Variants in TMEM132D observed in about 807,000 individuals in gnomAD.
TMEM132D encodes the protein mature OL transmembrane protein.
In TMEM132D, 21 loss-of-function variants were observed where a neutral mutation model predicts 62.3. The ratio of observed to expected loss-of-function variants is 0.34; its 90% CI spans 0.24 to 0.49. The LOEUF is 0.49. TMEM132D is among the 20% of genes least tolerant of loss of function. The pLI, the probability that TMEM132D is intolerant of heterozygous loss-of-function variation, is 0.99. For missense variants in TMEM132D, 1,346 were observed against 1,402.8 expected (o/e 0.96, Z 0.65); for synonymous variants, 621 against 575.6 (o/e 1.08, Z -1.13).
intron 1 of TMEM132D, among the ~76,000 whole-genome samples, chr12:129,878,989 A>G (rs565367162): frequency 2.6e-5 from 4 of 152,158 alleles, no homozygotes; most frequent in South Asian, 2.1e-4. Context: ...TGTTGTAGCT[A>G]CTCTCTCAGT....
chr12:129,091,973 G>A (rs1874937499), intron 5 of TMEM132D, among the ~76,000 whole-genome samples: 1 of 152,232 alleles, frequency 6.6e-6, no homozygotes, highest in Non-Finnish European at 1.5e-5. Flanking sequence ...TGGTCTAGGT[G>A]AGCCGGCAAG....
intron 3 of TMEM132D, among the ~76,000 whole-genome samples, chr12:129,459,541 T>C (rs1460043392): frequency 6.6e-6 from 1 of 152,084 alleles, no homozygotes; most frequent in African/African-American, 2.4e-5. Context: ...TTTTGAACAA[T>C]GACAAAAGTG....
intron 3 of TMEM132D, among the ~76,000 whole-genome samples, chr12:129,351,095 T>A (rs543713546): frequency 2.4e-4 from 36 of 152,316 alleles, no homozygotes; most frequent in Admixed American, 1.1e-3. Context: ...GGCAAGATAA[T>A]CTGCCAAAAA....
At chr12:129,295,888 T>C (rs73148868) in intron 4 of TMEM132D, among the ~76,000 whole-genome samples, 4,505 of 152,280 alleles carry the variant, frequency 0.03, 225 homozygotes, top group East Asian at 0.23. Flanking sequence ...TTTTTTATTG[T>C]TGTACTATTA....
chr12:129,650,123 A>T (rs1879890918), intron 2 of TMEM132D, among the ~76,000 whole-genome samples: 1 of 152,224 alleles, frequency 6.6e-6, no homozygotes, highest in Non-Finnish European at 1.5e-5. Context: ...ACTTATACAG[A>T]TACAAATACA....
intron 3 of TMEM132D, among the ~76,000 whole-genome samples, chr12:129,345,199 T>C (rs1461483076): frequency 6.6e-6 from 1 of 152,226 alleles, no homozygotes; most frequent in Non-Finnish European, 1.5e-5. Flanking sequence ...CTAAGATTCA[T>C]GGCTCAGTTC....
In TMEM132D at chr12:129,394,407, A is replaced by G. The variant is rs1871365951; in HGVS notation, c.1116-56590T>C. ...GTCCTTGACCCAGTTGGTCAATACA[A>G]TTATTGAGATCAGTTGGCTCGAAAA... On this transcript the variant is annotated intron_variant, in intron 3 of 8. Coordinates refer to ENST00000422113, the MANE Select transcript of TMEM132D (RefSeq NM_133448.3). Among the ~76,000 whole-genome samples, 4 of 152,318 alleles carry G rather than the reference A, an allele frequency of 2.6e-5. 1 individual carries two copies. In the South Asian group the frequency reaches 8.3e-4, roughly 32 times the overall value.
chr12:129,780,636 G>C (rs777718119), intron 1 of TMEM132D, among the ~76,000 whole-genome samples: 5 of 152,118 alleles, frequency 3.3e-5, no homozygotes, highest in Non-Finnish European at 7.4e-5. Flanking sequence ...CCCATGGGAA[G>C]GCGGGGCAAA....
chr12:129,580,099 C>T (rs1254438664), intron 2 of TMEM132D, among the ~76,000 whole-genome samples: 1 of 152,114 alleles, frequency 6.6e-6, no homozygotes, highest in African/African-American at 2.4e-5. Flanking sequence ...GCAGAGCTGC[C>T]CACTTGAGGA....
At chr12:129,868,125 CAT>C (rs541304378) in intron 1 of TMEM132D, among the ~76,000 whole-genome samples, 48 of 144,098 alleles carry the variant, frequency 3.3e-4, no homozygotes, top group African/African-American at 1.0e-3. Context: ...ATGGTACACA[CAT>C]GTGACAGCAT....
At chr12:129,427,354 A>G (rs181307111) in intron 3 of TMEM132D, among the ~76,000 whole-genome samples, 2 of 149,218 alleles carry the variant, frequency 1.3e-5, no homozygotes, top group East Asian at 4.1e-4. Context: ...GAAACTGAAC[A>G]ATGAGAACAC....
At chr12:129,343,325 G>A (rs1035830762) in intron 3 of TMEM132D, among the ~76,000 whole-genome samples, 1 of 150,446 alleles carries the variant, frequency 6.6e-6, no homozygotes, top group African/African-American at 2.5e-5. Context: ...CTATCACAAG[G>A]ACAGAAAAAC....
chr12:129,783,846 C>T (rs988051194), intron 1 of TMEM132D, among the ~76,000 whole-genome samples: 1 of 152,238 alleles, frequency 6.6e-6, no homozygotes, highest in Non-Finnish European at 1.5e-5. Flanking sequence ...AAGATCACTT[C>T]TGCCTGTGTG....
At chr12:129,846,567 A>G (rs1278525726) in intron 1 of TMEM132D, among the ~76,000 whole-genome samples, 2 of 152,116 alleles carry the variant, frequency 1.3e-5, no homozygotes, top group Non-Finnish European at 2.9e-5. Context: ...GTCCGTTATG[A>G]TATACCCAGG....
chr12:129,324,116 C>T (rs1868816656), intron 4 of TMEM132D, among the ~76,000 whole-genome samples: 1 of 152,120 alleles, frequency 6.6e-6, no homozygotes. Flanking sequence ...CTTTTACTGA[C>T]TGCATTTACA....
chr12:129,578,613 T>C (rs758080628), intron 2 of TMEM132D, among the ~76,000 whole-genome samples: 11 of 152,078 alleles, frequency 7.2e-5, no homozygotes, highest in Non-Finnish European at 1.6e-4. Context: ...TGGAGGCTGT[T>C]ACATCCTACA....
At chr12:129,678,912 C>T (rs264505) in intron 2 of TMEM132D, among the ~76,000 whole-genome samples, 98,330 of 151,784 alleles carry the variant, frequency 0.65, 32,154 homozygotes, top group Admixed American at 0.74. Context: ...GTAGCTTCGT[C>T]ATACAAAATC....
chr12:129,432,213 G>A (rs1296351303), intron 3 of TMEM132D, among the ~76,000 whole-genome samples: 2 of 151,084 alleles, frequency 1.3e-5, no homozygotes, highest in Non-Finnish European at 2.9e-5. Flanking sequence ...TTGCATGGAT[G>A]GATGGATGCT....
chr12:129,263,140 C>T (rs371603464), intron 4 of TMEM132D, among the ~76,000 whole-genome samples: 1 of 152,158 alleles, frequency 6.6e-6, no homozygotes, highest in Non-Finnish European at 1.5e-5. Context: ...CTTCACAGAG[C>T]AATCTCTCTG....
Sources: allele counts gnomAD v4.1 joint callset (sites outside exome capture counted in the v4.1 genomes callset), GRCh38; gene constraint gnomAD v4.1.1; transcripts MANE v1.5; gene names NCBI Gene and HGNC (gene_info 2026-07-23, HGNC 2026-07-21).